The following RIMS2 variants were observed in gnomAD, a reference collection of about 807,000 sequenced individuals.
RIMS2 encodes the protein regulating synaptic membrane exocytosis protein 2.
RIMS2 carries 59 observed loss-of-function variants against 174.4 expected under a neutral mutation model. The observed-to-expected ratio is 0.34, with a 90% CI of 0.27 to 0.42. RIMS2 has a LOEUF of 0.42. Ranked by LOEUF, RIMS2 falls within the 10% of genes least tolerant of loss-of-function variation. RIMS2 has a pLI of 1.00. For synonymous variants in RIMS2, 606 were observed against 572.5 expected (o/e 1.06, Z -0.84); for missense variants, 1,620 against 1,666.3 (o/e 0.97, Z 0.48).
chr8:103,541,217 G>A (rs2080609), intron 1 of RIMS2, among the ~76,000 whole-genome samples: 61,874 of 151,952 alleles, frequency 0.41, 13,197 homozygotes, highest in African/African-American at 0.51. Flanking sequence ...CATCAAAGAC[G>A]CAGAGAGGAT....
intron 3 of RIMS2, among the ~76,000 whole-genome samples, chr8:103,798,242 ATG>A (rs1333832375): frequency 2.0e-5 from 3 of 152,200 alleles, no homozygotes; most frequent in Non-Finnish European, 4.4e-5. Flanking sequence ...GCAAATATAA[ATG>A]TAACAAAATG....
Position 104,066,377 on chromosome 8 carries a change from C to T in RIMS2, c.3334+51762C>T, listed in dbSNP as rs1423693247. Among the ~76,000 whole-genome samples the T allele has an allele frequency of 4.3e-5, 6 of 139,028 alleles. No individual in the cohort carries two copies. In the South Asian group the frequency reaches 1.2e-3, roughly 27 times the overall value. 91.2% of individuals were successfully genotyped at this position (139,028 alleles called of 152,430 possible). A position where few individuals can be genotyped will look rare whatever the true frequency, so the allele number is the denominator to read the frequency against. On this transcript the variant is annotated intron_variant, in intron 19 of 23. Transcript: ENST00000504942. ...GTTTCTACGTATATATTTATCACTA[C>T]ATATTTATATCTATATATGTGTGTG... is the stretch of plus-strand genomic sequence containing the variant.
intron 19 of RIMS2, among the ~76,000 whole-genome samples, chr8:104,190,831 C>T (rs1388038212): frequency 6.6e-6 from 1 of 152,034 alleles, no homozygotes; most frequent in Non-Finnish European, 1.5e-5. Flanking sequence ...TTGCTACTGG[C>T]AGACTGAATT....
intron 19 of RIMS2, among the ~76,000 whole-genome samples, chr8:104,048,273 G>T (rs1387563650): frequency 1.3e-5 from 2 of 152,024 alleles, no homozygotes; most frequent in Non-Finnish European, 2.9e-5. Flanking sequence ...ATGGGCAAAG[G>T]ATATATACAG....
rs185900032 is a variant in RIMS2, at chr8:103,940,322, T to G, written c.2548-2451T>G. Among the ~76,000 whole-genome samples the G allele has an allele frequency of 3.4e-3, 514 of 152,204 alleles. 2 individuals carry two copies. The highest frequency in any genetic ancestry group is 0.012 in the African/African-American group (478 of 41,546). ...AGAGAGAGAACTTGTGCAGGAGAAC[T>G]CCTCTATAAAACAATCAGATCTTGT... is the stretch of plus-strand genomic sequence containing the variant. On this transcript the variant is annotated intron_variant, in intron 13 of 23. Coordinates refer to ENST00000504942, the Ensembl canonical transcript of RIMS2.
intron 19 of RIMS2, among the ~76,000 whole-genome samples, chr8:104,241,477 G>A (rs748829162): frequency 3.3e-5 from 5 of 152,084 alleles, no homozygotes; most frequent in African/African-American, 4.8e-5. Flanking sequence ...TTTTCAAGTC[G>A]CTTTAACTAT....
At chr8:103,997,692 T>G (rs1254564656) in intron 17 of RIMS2, among the ~76,000 whole-genome samples, 1 of 151,684 alleles carries the variant, frequency 6.6e-6, no homozygotes, top group Non-Finnish European at 1.5e-5. Context: ...TCAAAGTAAT[T>G]TGGATCAGTT....
At chr8:103,593,307 C>A (rs1204557839) in intron 1 of RIMS2, among the ~76,000 whole-genome samples, 1 of 151,386 alleles carries the variant, frequency 6.6e-6, no homozygotes, top group South Asian at 2.1e-4. Context: ...ATTTGAAGAA[C>A]GTCTTCCAGC....
At chr8:103,741,364 G>A (rs1419063049) in intron 2 of RIMS2, among the ~76,000 whole-genome samples, 1 of 152,052 alleles carries the variant, frequency 6.6e-6, no homozygotes, top group Non-Finnish European at 1.5e-5. Context: ...AGGTTGGTTA[G>A]AACAATTCAC....
chr8:104,224,765 A>AT (rs552879589), intron 19 of RIMS2, among the ~76,000 whole-genome samples: 6 of 151,928 alleles, frequency 3.9e-5, no homozygotes, highest in Middle Eastern at 3.4e-3. Context: ...AGATTGAAAT[A>AT]TTTTTTTTCT....
rs138882360 is a variant in RIMS2 at position 104,246,751 on chromosome 8, C to T, written c.3476+1694C>T. 1.6e-3 allele frequency among the ~76,000 whole-genome samples: 245 copies of T among 152,158 alleles called. 1 individual carries two copies. The highest frequency in any genetic ancestry group is 5.7e-3 in the African/African-American group (238 of 41,488). On this transcript the variant is annotated intron_variant, in intron 20 of 23. Coordinates refer to ENST00000504942, the Ensembl canonical transcript of RIMS2. ...GAAGAACATTCTAGAATGAAGATTG[C>T]TTCAGAGGCCCTGAAGCAGGAGCTG...
chr8:104,231,210 C>T (rs72685063), intron 19 of RIMS2, among the ~76,000 whole-genome samples: 13,944 of 152,174 alleles, frequency 0.092, 794 homozygotes, highest in African/African-American at 0.16. Context: ...CTGGACCAAT[C>T]CAACATCACT....
At chr8:103,795,523 T>C (rs928427605) in intron 3 of RIMS2, among the ~76,000 whole-genome samples, 2 of 152,140 alleles carry the variant, frequency 1.3e-5, no homozygotes, top group Non-Finnish European at 2.9e-5. Flanking sequence ...GGCACATGTG[T>C]ACATGTATAA....
chr8:103,912,978 T>G (rs1033935383), intron 6 of RIMS2, among the ~76,000 whole-genome samples: 3 of 145,410 alleles, frequency 2.1e-5, no homozygotes, highest in Admixed American at 6.8e-5. Flanking sequence ...TTGTTTTTTT[T>G]TTTTTTTTTT....
chr8:103,916,559 A>G, intron 8 of RIMS2, 22 bp downstream of exon 11: 1 of 1,585,034 alleles, frequency 6.3e-7, no homozygotes, highest in South Asian at 1.2e-5. Context: ...TCAGTATTTT[A>G]TATGTGTGTG....
At chr8:103,610,573 C>A (rs1321879005) in intron 1 of RIMS2, among the ~76,000 whole-genome samples, 2 of 152,132 alleles carry the variant, frequency 1.3e-5, no homozygotes, top group African/African-American at 4.8e-5. Context: ...ACCTTTCCTG[C>A]CTCTATTGCG....
chr8:104,010,597 A>C (rs2095726751), intron 17 of RIMS2, among the ~76,000 whole-genome samples: 1 of 152,198 alleles, frequency 6.6e-6, no homozygotes, highest in Non-Finnish European at 1.5e-5. Context: ...AATAGCACCC[A>C]TTAGATAATG....
intron 2 of RIMS2, among the ~76,000 whole-genome samples, chr8:103,748,379 C>T (rs966241131): frequency 7.2e-5 from 11 of 151,874 alleles, no homozygotes; most frequent in Admixed American, 1.3e-4. Flanking sequence ...TAGGAAGTTG[C>T]GGCTGCACGA....
At chr8:103,758,085 T>C (rs2098051163) in intron 2 of RIMS2, among the ~76,000 whole-genome samples, 1 of 152,132 alleles carries the variant, frequency 6.6e-6, no homozygotes, top group Non-Finnish European at 1.5e-5. Context: ...TTTTTCCCCC[T>C]TCTGTAATAT....
Sources: allele counts gnomAD v4.1 joint callset (sites outside exome capture counted in the v4.1 genomes callset), GRCh38; gene constraint gnomAD v4.1.1; transcripts MANE v1.5; gene names NCBI Gene and HGNC (gene_info 2026-07-23, HGNC 2026-07-21).